The following KCTD16 variants were observed in gnomAD, a reference collection of about 807,000 sequenced individuals.
The protein encoded by KCTD16 is BTB/POZ domain-containing protein KCTD16.
In KCTD16, 13 loss-of-function variants were observed where a neutral mutation model predicts 33.2. The ratio of observed to expected loss-of-function variants is 0.39; its 90% confidence interval spans 0.25 to 0.62. KCTD16 has a LOEUF of 0.62. Among genes scored for constraint, KCTD16 ranks in the 20% least tolerant of loss-of-function variants. The probability of loss-of-function intolerance (pLI) is 0.50; values close to 1 mark genes in which losing one functional copy is unlikely to be tolerated. For synonymous variants in KCTD16, 197 were observed against 195.3 expected (o/e 1.01, Z -0.07); for missense variants, 441 against 525.1 (o/e 0.84, Z 1.57).
At chr5:144,468,409 T>C (rs1168108779) in intron 3 of KCTD16, among the ~76,000 whole-genome samples, 1 of 152,216 alleles carries the variant, frequency 6.6e-6, no homozygotes, top group Non-Finnish European at 1.5e-5. Flanking sequence ...CTAGTTTAAC[T>C]GTCTGTTCTT....
chr5:144,276,901 T>TAAA (rs5871872), intron 3 of KCTD16, among the ~76,000 whole-genome samples: 1 of 140,144 alleles, frequency 7.1e-6, no homozygotes, highest in Non-Finnish European at 1.5e-5. Flanking sequence ...AAACCCTGTC[T>TAAA]AAAAAAAAAA....
At chr5:144,437,076 C>A (rs1046261156) in intron 3 of KCTD16, among the ~76,000 whole-genome samples, 1 of 152,092 alleles carries the variant, frequency 6.6e-6, no homozygotes, top group East Asian at 1.9e-4. Context: ...ACTGTAGATT[C>A]GGTTTTGGAA....
chr5:144,236,306 C>G (rs957218396), intron 3 of KCTD16, among the ~76,000 whole-genome samples: 2 of 151,996 alleles, frequency 1.3e-5, no homozygotes, highest in Non-Finnish European at 2.9e-5. Context: ...TTGAGCTGGG[C>G]CTTTAAGGAT....
intron 3 of KCTD16, among the ~76,000 whole-genome samples, chr5:144,255,787 A>G (rs1754829443): frequency 6.6e-6 from 1 of 152,242 alleles, no homozygotes; most frequent in Non-Finnish European, 1.5e-5. Flanking sequence ...AAGGTCATGT[A>G]AAACTATCAG....
intron 3 of KCTD16, among the ~76,000 whole-genome samples, chr5:144,259,630 AT>A (rs1754951669): frequency 6.6e-6 from 1 of 152,204 alleles, no homozygotes; most frequent in Non-Finnish European, 1.5e-5. Context: ...AGAGAAAGAT[AT>A]ATTTTCTTAG....
At chr5:144,405,817 C>G (rs568912032) in intron 3 of KCTD16, among the ~76,000 whole-genome samples, 1 of 152,208 alleles carries the variant, frequency 6.6e-6, no homozygotes, top group East Asian at 1.9e-4. Context: ...GTAGAATGAC[C>G]AGAAAGACCC....
intron 3 of KCTD16, among the ~76,000 whole-genome samples, chr5:144,299,128 ATATATATATATATATATATATTTTT>A (rs1226646064): frequency 0.041 from 1,113 of 27,374 alleles, 97 homozygotes; most frequent in African/African-American, 0.24. Context: ...ATATATATAT[ATATATATATATATATATATATTTTT>A]TTTTTTTTTT....
At chr5:144,181,033 C>T (rs886562763) in intron 2 of KCTD16, among the ~76,000 whole-genome samples, 1 of 141,174 alleles carries the variant, frequency 7.1e-6, no homozygotes, top group East Asian at 2.0e-4. Flanking sequence ...CCCGGGTTCA[C>T]GCCATTCTCC....
chr5:144,249,366 C>T lies in KCTD16; in HGVS notation c.832+41820C>T, dbSNP rs141005910. 3.5e-3 allele frequency among the ~76,000 whole-genome samples: 529 copies of T among 152,254 alleles called. 4 individuals are homozygous for T. Among genetic ancestry groups the T allele is most frequent in the African/African-American group, 0.012 (504 of 41,560 alleles). ...CATTATAATTATCTCCATATTACTT[C>T]TCATCCTCTGAAATGATTCATTTAT... is the stretch of plus-strand genomic sequence containing the variant. On this transcript the variant is annotated intron_variant, in intron 3 of 3. Transcript: ENST00000512467.
chr5:144,445,572 T>C (rs1753801592), intron 3 of KCTD16, among the ~76,000 whole-genome samples: 1 of 152,080 alleles, frequency 6.6e-6, no homozygotes, highest in African/African-American at 2.4e-5. Context: ...TGTTTATTTA[T>C]ATGTGATTAT....
chr5:144,306,764 CT>C (rs1181541008), intron 3 of KCTD16, among the ~76,000 whole-genome samples: 1 of 152,188 alleles, frequency 6.6e-6, no homozygotes, highest in Non-Finnish European at 1.5e-5. Flanking sequence ...CTCAGGATCT[CT>C]TTCATTGCTA....
intron 3 of KCTD16, among the ~76,000 whole-genome samples, chr5:144,425,588 A>C (rs73296070): frequency 0.053 from 8,132 of 152,022 alleles, 756 homozygotes; most frequent in African/African-American, 0.19. Flanking sequence ...ACATACCTCC[A>C]CTACTCTTGC....
In KCTD16 at chr5:144,218,439, A is replaced by G. The variant is rs575633706; in HGVS notation, c.832+10893A>G. On this transcript the variant is annotated intron_variant, in intron 3 of 3. Coordinates refer to ENST00000512467, the MANE Select transcript of KCTD16 (RefSeq NM_020768.4). Reference sequence around the variant, plus strand: ...AGTTATATCCTAGGAGGCTTAGGAAAACTTTAAGATTATTAACAATCCTTT... The same window carrying G: ...AGTTATATCCTAGGAGGCTTAGGAAGACTTTAAGATTATTAACAATCCTTT... 2.0e-5 allele frequency among the ~76,000 whole-genome samples: 3 copies of G among 152,284 alleles called. No homozygotes were observed. In the East Asian group the frequency reaches 5.8e-4, roughly 29 times the overall value.
chr5:144,304,567 A>G (rs948380898), intron 3 of KCTD16, among the ~76,000 whole-genome samples: 7 of 152,028 alleles, frequency 4.6e-5, no homozygotes, highest in African/African-American at 1.7e-4. Flanking sequence ...TGAGGGTATA[A>G]AGCAGTTTCC....
intron 3 of KCTD16, among the ~76,000 whole-genome samples, chr5:144,299,044 C>CTA (rs10589565): frequency 0.073 from 2,629 of 35,804 alleles, 189 homozygotes; most frequent in African/African-American, 0.083. Flanking sequence ...AAACAGATCA[C>CTA]TATATATATA....
chr5:144,217,532 C>T (rs1753602741), intron 3 of KCTD16, among the ~76,000 whole-genome samples: 1 of 152,072 alleles, frequency 6.6e-6, no homozygotes, highest in Non-Finnish European at 1.5e-5. Context: ...GTGATATTTT[C>T]AACAATTTTA....
intron 3 of KCTD16, among the ~76,000 whole-genome samples, chr5:144,223,724 G>T (rs947657281): frequency 2.0e-5 from 3 of 152,070 alleles, no homozygotes; most frequent in Admixed American, 2.0e-4. Context: ...CCGAGGTGGA[G>T]AGGGGAGGAA....
Position 144,206,643 on chromosome 5 carries a change from C to G in KCTD16, c.-72C>G. On this transcript the variant is annotated 5_prime_UTR_variant, in exon 3 of 4. In the 5' UTR this introduces an upstream ATG that the reference lacks. Transcript: ENST00000512467. ...CCTTTTCCCTTTCTTACAAGTTGAT[C>G]CAAAGGATAAGGCTGTGACTCCATT... 3.1e-6 allele frequency: 4 copies of G among 1,284,934 alleles called. No homozygotes were observed. Among genetic ancestry groups the G allele is most frequent in the Non-Finnish European group, 4.3e-6 (4 of 920,252 alleles). 79.6% of individuals were successfully genotyped at this position (1,284,934 alleles called of 1,614,324 possible).
chr5:144,339,190 TC>T (rs1373403965), intron 3 of KCTD16, among the ~76,000 whole-genome samples: 2 of 152,212 alleles, frequency 1.3e-5, no homozygotes, highest in African/African-American at 4.8e-5. Context: ...TTCAATCTTC[TC>T]AATAGCCCTA....
Sources: gnomAD v4.1 joint callset for allele counts (sites outside exome capture counted in the v4.1 genomes callset) on GRCh38, gnomAD v4.1.1 for gene constraint, MANE v1.5 for transcripts, NCBI Gene and HGNC (gene_info 2026-07-23, HGNC 2026-07-21) for gene names.